The following SHISA9 variants were observed in gnomAD, a reference collection of about 807,000 sequenced individuals.
The protein encoded by SHISA9 is protein shisa-9.
In SHISA9, 13 loss-of-function variants were observed where a neutral mutation model predicts 38.0. That is an observed-to-expected ratio of 0.34 (90% CI 0.22 to 0.54). The LOEUF (loss-of-function observed/expected upper bound fraction) is 0.54. SHISA9 is among the 20% of genes least tolerant of loss of function. The probability of loss-of-function intolerance (pLI) is 0.91; values close to 1 mark genes in which losing one functional copy is unlikely to be tolerated. For missense variants in SHISA9, 538 were observed against 575.8 expected, an observed-to-expected ratio of 0.93 and a Z score of 0.67; for synonymous variants, 275 against 242.0, an observed-to-expected ratio of 1.14 and a Z score of -1.27.
intron 2 of SHISA9, among the ~76,000 whole-genome samples, chr16:12,921,212 G>C (rs2071323647): frequency 6.6e-6 from 1 of 152,180 alleles, no homozygotes; most frequent in Non-Finnish European, 1.5e-5. Context: ...CATAACCTGA[G>C]CAAGTAAGGA....
At chr16:13,065,094 A>G (rs1428712755) in intron 2 of SHISA9, among the ~76,000 whole-genome samples, 1 of 152,050 alleles carries the variant, frequency 6.6e-6, no homozygotes, top group East Asian at 1.9e-4. Context: ...TCTTGCCTTT[A>G]TCTCCCCTAG....
the SHISA9 span, among the ~76,000 whole-genome samples, chr16:13,367,923 T>C: frequency 6.6e-6 from 1 of 152,032 alleles, no homozygotes; most frequent in Non-Finnish European, 1.5e-5. Flanking sequence ...ATTATTATTA[T>C]ACTTTAAATT....
rs145133467 is a variant in SHISA9, at chr16:13,105,827, A to G, written c.692-97567A>G. ...TTGGCTCTGCCTGGCCGGGGTACAG[A>G]GCTTCTAGGTTGAGGAACATTGAGC... On this transcript the variant is annotated intron_variant, in intron 2 of 4. Transcript: ENST00000558583. Among the ~76,000 whole-genome samples the G allele has an allele frequency of 2.6e-3, 394 of 152,194 alleles. 1 individual carries two copies. Among genetic ancestry groups the G allele is most frequent in the Middle Eastern group, 6.8e-3 (2 of 294 alleles).
intron 2 of SHISA9, among the ~76,000 whole-genome samples, chr16:13,179,881 G>C (rs1282146800): frequency 6.6e-6 from 1 of 152,186 alleles, no homozygotes; most frequent in Non-Finnish European, 1.5e-5. Flanking sequence ...ACTGTGTTGA[G>C]AGCAGGATTG....
At chr16:13,076,563 T>C (rs1405416605) in intron 2 of SHISA9, among the ~76,000 whole-genome samples, 3 of 152,148 alleles carry the variant, frequency 2.0e-5, no homozygotes, top group South Asian at 2.1e-4. Context: ...TTGGTTGACT[T>C]GTTGGAAGTT....
intron 2 of SHISA9, among the ~76,000 whole-genome samples, chr16:13,074,218 C>A (rs1181178755): frequency 6.6e-6 from 1 of 152,036 alleles, no homozygotes; most frequent in Non-Finnish European, 1.5e-5. Context: ...GATCCACCCC[C>A]CTCGGCCTCC....
At chr16:12,986,683 A>G (rs915390278) in intron 2 of SHISA9, among the ~76,000 whole-genome samples, 30 of 152,214 alleles carry the variant, frequency 2.0e-4, no homozygotes, top group Non-Finnish European at 1.5e-5. Flanking sequence ...CCAGAATTTA[A>G]TAGTGGTAAC....
At chr16:13,443,238 T>A in the SHISA9 span, among the ~76,000 whole-genome samples, 1 of 152,344 alleles carries the variant, frequency 6.6e-6, no homozygotes, top group African/African-American at 2.4e-5. Flanking sequence ...GATGGTTCAA[T>A]GTGACTTGGG....
chr16:13,352,617 G>C, the SHISA9 span, among the ~76,000 whole-genome samples: 4 of 151,288 alleles, frequency 2.6e-5, no homozygotes, highest in Non-Finnish European at 4.4e-5. Flanking sequence ...CACCAAACAG[G>C]CTTTGTGTGA....
the SHISA9 span, among the ~76,000 whole-genome samples, chr16:13,315,922 T>C: frequency 1.8e-3 from 276 of 152,082 alleles, no homozygotes; most frequent in Non-Finnish European, 3.3e-3. Flanking sequence ...CATAAGTGAA[T>C]ATGGATAAAA....
chr16:13,451,816 G>A, the SHISA9 span, among the ~76,000 whole-genome samples: 2 of 152,316 alleles, frequency 1.3e-5, no homozygotes, highest in South Asian at 4.2e-4. Flanking sequence ...CTGGCAAGTC[G>A]CCGATGTGAT....
chr16:12,911,621 T>C (rs2071185373), intron 1 of SHISA9: 1 of 155,296 alleles, frequency 6.4e-6, no homozygotes, highest in African/African-American at 2.4e-5. Flanking sequence ...AAGTTTATCA[T>C]TAATAAAAAA....
chr16:13,275,749 T>G, the SHISA9 span, among the ~76,000 whole-genome samples: 21 of 152,086 alleles, frequency 1.4e-4, no homozygotes, highest in African/African-American at 4.8e-4. Context: ...AATAGAAAAT[T>G]TAATTTCTTT....
the SHISA9 span, among the ~76,000 whole-genome samples, chr16:13,524,245 C>T: frequency 2.8e-3 from 423 of 152,300 alleles, no homozygotes; most frequent in African/African-American, 9.9e-3. Flanking sequence ...TCACACATTG[C>T]CCCCGGCTGT....
the SHISA9 span, among the ~76,000 whole-genome samples, chr16:13,527,475 G>C: frequency 1.2e-4 from 18 of 152,224 alleles, no homozygotes; most frequent in South Asian, 6.2e-4. Flanking sequence ...ACGAGAAAGA[G>C]ATAGGAGAAA....
chr16:13,125,753 A>G (rs1383701233), intron 2 of SHISA9, among the ~76,000 whole-genome samples: 2 of 152,206 alleles, frequency 1.3e-5, no homozygotes, highest in African/African-American at 4.8e-5. Context: ...ACACAAGACT[A>G]CCTTGACATT....
the SHISA9 span, among the ~76,000 whole-genome samples, chr16:13,263,590 T>C: frequency 2.6e-5 from 4 of 152,228 alleles, no homozygotes; most frequent in Admixed American, 2.6e-4. Context: ...ATGCTTCCTG[T>C]ACAGCCTGCA....
At chr16:13,485,437 A>G in the SHISA9 span, among the ~76,000 whole-genome samples, 2 of 152,044 alleles carry the variant, frequency 1.3e-5, no homozygotes, top group Non-Finnish European at 2.9e-5. Context: ...TATCCAGTCT[A>G]TCATTGAGGG....
chr16:13,425,866 C>T, the SHISA9 span, among the ~76,000 whole-genome samples: 1 of 152,102 alleles, frequency 6.6e-6, no homozygotes, highest in Non-Finnish European at 1.5e-5. Flanking sequence ...CAGGAAGACC[C>T]CAGAGTAACT....
Sources: allele counts gnomAD v4.1 joint callset (sites outside exome capture counted in the v4.1 genomes callset), GRCh38; gene constraint gnomAD v4.1.1; transcripts MANE v1.5; gene names NCBI Gene and HGNC (gene_info 2026-07-23, HGNC 2026-07-21).